AGBL4: variants seen among roughly 807,000 people sequenced by gnomAD.
AGBL4 encodes the protein cytosolic carboxypeptidase 6.
Under a neutral mutation model 66.4 loss-of-function variants are expected in AGBL4, and 58 were observed. That is an observed-to-expected ratio of 0.87 (90% CI 0.71 to 1.09). The LOEUF (loss-of-function observed/expected upper bound fraction) is 1.09, where lower values mean the gene tolerates loss of function less well. Among genes scored for constraint, AGBL4 ranks in the 50% least tolerant of loss-of-function variants. The pLI is 0.00. For synonymous variants in AGBL4, 234 were observed against 222.9 expected, an observed-to-expected ratio of 1.05 and a Z score of -0.44; for missense variants, 579 against 631.0, an observed-to-expected ratio of 0.92 and a Z score of 0.88.
At chr1:48,896,322 T>A (rs1197924687) in intron 5 of AGBL4, among the ~76,000 whole-genome samples, 3 of 152,192 alleles carry the variant, frequency 2.0e-5, no homozygotes, top group African/African-American at 7.2e-5. Context: ...CTTCACAATT[T>A]TGGGAATTTG....
intron 1 of AGBL4, among the ~76,000 whole-genome samples, chr1:49,986,549 A>G (rs896736509): frequency 6.6e-6 from 1 of 152,228 alleles, no homozygotes; most frequent in Admixed American, 6.5e-5. Context: ...GTCATAGAGC[A>G]TGCATATGCC....
intron 3 of AGBL4, among the ~76,000 whole-genome samples, chr1:49,662,972 A>G (rs1250039448): frequency 3.9e-5 from 6 of 152,084 alleles, no homozygotes; most frequent in African/African-American, 1.4e-4. Flanking sequence ...AACATACCAC[A>G]AATGATGCTT....
chr1:49,356,090 A>G (rs920623814), intron 3 of AGBL4, among the ~76,000 whole-genome samples: 1 of 152,166 alleles, frequency 6.6e-6, no homozygotes, highest in African/African-American at 2.4e-5. Flanking sequence ...TTTTGATTCT[A>G]TAAAAGAGAA....
intron 6 of AGBL4, among the ~76,000 whole-genome samples, chr1:48,768,685 T>C (rs1006250115): frequency 2.0e-5 from 3 of 152,206 alleles, no homozygotes; most frequent in Admixed American, 2.0e-4. Context: ...AATAATCCAA[T>C]GTCAGAGAGC....
At chr1:48,784,836 A>G (rs903556143) in intron 6 of AGBL4, among the ~76,000 whole-genome samples, 15 of 152,254 alleles carry the variant, frequency 9.9e-5, no homozygotes, top group African/African-American at 3.4e-4. Flanking sequence ...TGCATAAGCA[A>G]CAAAAAGTAA....
chr1:49,626,946 T>C (rs998324761), intron 3 of AGBL4, among the ~76,000 whole-genome samples: 2 of 152,154 alleles, frequency 1.3e-5, no homozygotes, highest in South Asian at 2.1e-4. Context: ...TTTTCTAAGA[T>C]AGATTTACTA....
intron 4 of AGBL4, among the ~76,000 whole-genome samples, chr1:49,051,419 A>G (rs1452109683): frequency 6.6e-6 from 1 of 152,124 alleles, no homozygotes; most frequent in Non-Finnish European, 1.5e-5. Context: ...CGGCAGTTAT[A>G]GTCTCTTGGT....
At chr1:49,301,829 T>G (rs990837547) in intron 3 of AGBL4, among the ~76,000 whole-genome samples, 2 of 152,078 alleles carry the variant, frequency 1.3e-5, no homozygotes, top group African/African-American at 4.8e-5. Flanking sequence ...TGAAGACATT[T>G]TCAGCACTGT....
chr1:49,771,154 T>A (rs1189277959), intron 2 of AGBL4, among the ~76,000 whole-genome samples: 1 of 152,128 alleles, frequency 6.6e-6, no homozygotes, highest in Non-Finnish European at 1.5e-5. Context: ...AACTTCCCTA[T>A]TAGAACTGCT....
chr1:49,181,286 A>T (rs1193422071), intron 4 of AGBL4, among the ~76,000 whole-genome samples: 1 of 151,896 alleles, frequency 6.6e-6, no homozygotes, highest in Non-Finnish European at 1.5e-5. Context: ...GTCTCTCCAA[A>T]CTCATCCTTA....
intron 3 of AGBL4, among the ~76,000 whole-genome samples, chr1:49,328,395 T>A (rs1645266001): frequency 6.6e-6 from 1 of 152,180 alleles, no homozygotes; most frequent in African/African-American, 2.4e-5. Flanking sequence ...ACTAATTTAC[T>A]GGGTAATTTT....
At chr1:49,516,074 A>C (rs1386091158) in intron 3 of AGBL4, among the ~76,000 whole-genome samples, 2 of 148,798 alleles carry the variant, frequency 1.3e-5, no homozygotes, top group African/African-American at 2.5e-5. Flanking sequence ...GCCCCCCCCC[A>C]CAAAAAAAAA....
chr1:49,805,942 T>C (rs570170956), intron 2 of AGBL4, among the ~76,000 whole-genome samples: 1 of 152,348 alleles, frequency 6.6e-6, no homozygotes, highest in Non-Finnish European at 1.5e-5. Context: ...TCCCAGCTTA[T>C]GGCATTTTTT....
chr1:48,956,651 T>C (rs1444929045), intron 5 of AGBL4, among the ~76,000 whole-genome samples: 2 of 152,172 alleles, frequency 1.3e-5, no homozygotes, highest in African/African-American at 2.4e-5. Flanking sequence ...CATTCAGTCA[T>C]TCAAAAAACA....
At chr1:48,627,285 T>C (rs1167847388) in intron 9 of AGBL4, among the ~76,000 whole-genome samples, 1 of 152,226 alleles carries the variant, frequency 6.6e-6, no homozygotes, top group African/African-American at 2.4e-5. Flanking sequence ...TGTAATTATG[T>C]AGAACTGCAT....
At chr1:48,885,336 G>A (rs934947210) in intron 5 of AGBL4, among the ~76,000 whole-genome samples, 1 of 152,196 alleles carries the variant, frequency 6.6e-6, no homozygotes, top group Non-Finnish European at 1.5e-5. Context: ...GTGGAGGTGA[G>A]TAGTTGTGGC....
At chr1:48,622,044 G>A (rs1333223083) in intron 9 of AGBL4, among the ~76,000 whole-genome samples, 3 of 151,858 alleles carry the variant, frequency 2.0e-5, no homozygotes, top group African/African-American at 7.3e-5. Context: ...AAGCTTCCTG[G>A]GGTAGCCCAC....
chr1:49,279,306 T>A (rs143040594), intron 3 of AGBL4, among the ~76,000 whole-genome samples: 1 of 152,170 alleles, frequency 6.6e-6, no homozygotes, highest in African/African-American at 2.4e-5. Flanking sequence ...GTTAAATTAC[T>A]CCAAGGATTA....
intron 3 of AGBL4, among the ~76,000 whole-genome samples, chr1:49,671,161 T>C (rs952101246): frequency 2.6e-5 from 4 of 151,934 alleles, no homozygotes; most frequent in African/African-American, 7.2e-5. Context: ...TGGAACAGAA[T>C]AGAGAGCCCG....
Sources: allele counts gnomAD v4.1 joint callset (sites outside exome capture counted in the v4.1 genomes callset), GRCh38; gene constraint gnomAD v4.1.1; transcripts MANE v1.5; gene names NCBI Gene and HGNC (gene_info 2026-07-23, HGNC 2026-07-21).